SPATA3: variants seen among roughly 807,000 people sequenced by gnomAD.
The protein encoded by SPATA3 is spermatogenesis-associated protein 3.
Under a neutral mutation model 5.7 loss-of-function variants are expected in SPATA3, and 6 were observed. The ratio of observed to expected loss-of-function variants is 1.06; its 90% CI spans 0.58 to 2.09. The LOEUF (loss-of-function observed/expected upper bound fraction) is 2.09, where lower values mean the gene tolerates loss of function less well. Among genes scored for constraint, SPATA3 ranks in the 30% most tolerant of loss-of-function variants. SPATA3 has a pLI of 0.00. For synonymous variants in SPATA3, 44 were observed against 48.4 expected (o/e 0.91, Z 0.37); for missense variants, 155 against 130.4 (o/e 1.19, Z -0.92).
At chr2:231,009,879 A>G (rs781241467), downstream of SPATA3, among the ~76,000 whole-genome samples, 3 of 152,234 alleles carry the variant, frequency 2.0e-5, no homozygotes, top group Non-Finnish European at 2.9e-5. Flanking sequence ...TTGTATTCAG[A>G]GTGTGGTATA....
At chr2:231,008,424 T>C (rs752690011), downstream of SPATA3, among the ~76,000 whole-genome samples, 1 of 152,176 alleles carries the variant, frequency 6.6e-6, no homozygotes, top group Non-Finnish European at 1.5e-5. Context: ...TGACCTCCTA[T>C]GACTCTAAGA....
chr2:231,014,364 A>T (rs1692873431), intron 6 of SPATA3, among the ~76,000 whole-genome samples: 1 of 152,204 alleles, frequency 6.6e-6, no homozygotes, highest in African/African-American at 2.4e-5. Context: ...GCTATGTTTC[A>T]GTTAGAGGAA....
At chr2:231,004,915 C>A (rs113030450), downstream of SPATA3, among the ~76,000 whole-genome samples, 1 of 152,060 alleles carries the variant, frequency 6.6e-6, no homozygotes, top group Non-Finnish European at 1.5e-5. Context: ...ATAGCTACAT[C>A]ACCACTACTA....
At chr2:230,999,168 A>G (rs1381988952) in intron 1 of SPATA3, among the ~76,000 whole-genome samples, 2 of 152,190 alleles carry the variant, frequency 1.3e-5, no homozygotes, top group African/African-American at 4.8e-5. Flanking sequence ...AAACCCACAC[A>G]TCGAATGATT....
chr2:231,003,247 T>A (rs1692422185), downstream of SPATA3, among the ~76,000 whole-genome samples: 1 of 152,234 alleles, frequency 6.6e-6, no homozygotes, highest in Non-Finnish European at 1.5e-5. Context: ...TTCCATCTTC[T>A]CAACCCCTGT....
chr2:230,996,535 G>A lies in SPATA3; in HGVS notation c.791-3831G>A, dbSNP rs900495629. On this transcript the variant is annotated intron_variant, in intron 1 of 2. Transcript: ENST00000645363. ...GCAGCCCCTCAATCCAGGAAAGCAG[G>A]TGGGCTGTCTTCTAGCTTCAGCAGT... The A allele has an allele frequency of 2.9e-5, 45 of 1,551,418 alleles. No homozygotes were observed. In the Admixed American group the frequency reaches 7.8e-4, roughly 27 times the overall value.
At chr2:231,005,627 A>T (rs1307942167), downstream of SPATA3, among the ~76,000 whole-genome samples, 1 of 147,900 alleles carries the variant, frequency 6.8e-6, no homozygotes, top group Non-Finnish European at 1.5e-5. Context: ...CATCACCATC[A>T]TCACCATCAC....
chr2:231,008,662 T>A (rs1296749259), downstream of SPATA3, among the ~76,000 whole-genome samples: 1 of 152,232 alleles, frequency 6.6e-6, no homozygotes, highest in Non-Finnish European at 1.5e-5. Context: ...TGGAAGGGAC[T>A]GGGGACTCCA....
chr2:231,003,396 T>G (rs1030818474), downstream of SPATA3, among the ~76,000 whole-genome samples: 2 of 145,962 alleles, frequency 1.4e-5, no homozygotes, highest in Admixed American at 6.8e-5. Context: ...AAGCAGAGCC[T>G]GAGACTGGGG....
At chr2:231,006,771 T>C (rs937046956), downstream of SPATA3, 2 of 152,194 alleles carry the variant, frequency 1.3e-5, no homozygotes, top group African/African-American at 4.8e-5. Flanking sequence ...TGGGGAAAGA[T>C]GCTTCTAGAA....
intron 5 of SPATA3, among the ~76,000 whole-genome samples, chr2:231,013,038 A>G (rs1363536004): frequency 2.0e-5 from 3 of 152,036 alleles, no homozygotes; most frequent in Non-Finnish European, 4.4e-5. Context: ...ATTCATGACC[A>G]TGGGCTCCAA....
downstream of SPATA3, among the ~76,000 whole-genome samples, chr2:231,005,484 CCACCAT>C (rs1692575660): frequency 2.6e-4 from 3 of 11,500 alleles, no homozygotes; most frequent in African/African-American, 3.9e-4. Context: ...ATCACCACCA[CCACCAT>C]CACCACCATC....
chr2:231,002,983 C>T (rs138362899), downstream of SPATA3, among the ~76,000 whole-genome samples: 18 of 152,268 alleles, frequency 1.2e-4, no homozygotes, highest in Non-Finnish European at 1.9e-4. Context: ...TCTCAGATGA[C>T]GCTAGACTCA....
intron 1 of SPATA3, among the ~76,000 whole-genome samples, chr2:230,998,581 AG>A (rs1167618799): frequency 2.6e-5 from 4 of 152,248 alleles, no homozygotes; most frequent in African/African-American, 9.6e-5. Context: ...CTGCGTAGAA[AG>A]GAATGTTGGA....
At chr2:231,007,935 A>G (rs577336425), downstream of SPATA3, among the ~76,000 whole-genome samples, 1 of 152,342 alleles carries the variant, frequency 6.6e-6, no homozygotes, top group South Asian at 2.1e-4. Context: ...GCTTAAGCCC[A>G]GGAGGTCAAG....
At chr2:231,013,054 C>T (rs1692828658) in intron 5 of SPATA3, among the ~76,000 whole-genome samples, 1 of 152,104 alleles carries the variant, frequency 6.6e-6, no homozygotes, top group Non-Finnish European at 1.5e-5. Flanking sequence ...TCCAAGTGGG[C>T]CTTGATGCTG....
At chr2:231,002,320 G>A (rs1692383353) in intron 2 of SPATA3, among the ~76,000 whole-genome samples, 1 of 152,156 alleles carries the variant, frequency 6.6e-6, no homozygotes, top group Admixed American at 6.5e-5. Flanking sequence ...TCTCAATGGA[G>A]TGAAGTGATA....
downstream of SPATA3, among the ~76,000 whole-genome samples, chr2:231,009,621 C>T (rs920284681): frequency 6.6e-6 from 1 of 152,212 alleles, no homozygotes; most frequent in Non-Finnish European, 1.5e-5. Flanking sequence ...CGTTGCCTGT[C>T]GTGGGCCATA....
downstream of SPATA3, chr2:231,002,808 C>G: frequency 7.0e-7 from 1 of 1,430,042 alleles, no homozygotes; most frequent in South Asian, 1.5e-5. Context: ...GAACAAGCCC[C>G]TAGGCCCACA....
Sources: gnomAD v4.1 joint callset for allele counts (sites outside exome capture counted in the v4.1 genomes callset) on GRCh38, gnomAD v4.1.1 for gene constraint, MANE v1.5 for transcripts, NCBI Gene and HGNC (gene_info 2026-07-23, HGNC 2026-07-21) for gene names.